The following CNTN5 variants were observed in gnomAD, a reference collection of about 807,000 sequenced individuals.
CNTN5 encodes the protein contactin-5.
CNTN5 carries 77 observed loss-of-function variants against 129.1 expected under a neutral mutation model. The ratio of observed to expected loss-of-function variants is 0.60; its 90% CI spans 0.50 to 0.72. CNTN5 has a LOEUF of 0.72. CNTN5 is among the 30% of genes least tolerant of loss of function. CNTN5 has a pLI of 0.00. For missense variants in CNTN5, 1,478 were observed against 1,328.8 expected (o/e 1.11, Z -1.75); for synonymous variants, 509 against 465.6 (o/e 1.09, Z -1.20).
chr11:100,182,971 A>G (rs73562432), intron 13 of CNTN5, among the ~76,000 whole-genome samples: 4,714 of 152,228 alleles, frequency 0.031, 242 homozygotes, highest in African/African-American at 0.11. Flanking sequence ...TATTTGAACA[A>G]TTAGCTCACC....
At chr11:100,083,881 A>C (rs1463378368) in intron 13 of CNTN5, among the ~76,000 whole-genome samples, 2 of 151,830 alleles carry the variant, frequency 1.3e-5, no homozygotes, top group African/African-American at 4.8e-5. Flanking sequence ...TTTCTTGACC[A>C]CTCCACCAGT....
At chr11:99,491,262 C>T (rs1300791669) in intron 2 of CNTN5, among the ~76,000 whole-genome samples, 11 of 152,136 alleles carry the variant, frequency 7.2e-5, no homozygotes, top group Admixed American at 7.2e-4. Flanking sequence ...AGAGTTGTGC[C>T]AGAGAATTCC....
intron 7 of CNTN5, among the ~76,000 whole-genome samples, chr11:99,920,454 C>A (rs1949909356): frequency 6.6e-6 from 1 of 152,174 alleles, no homozygotes; most frequent in Admixed American, 6.5e-5. Flanking sequence ...ATCCAACTGC[C>A]TATCAGTATT....
intron 2 of CNTN5, among the ~76,000 whole-genome samples, chr11:99,545,756 A>C (rs1275082544): frequency 1.3e-5 from 2 of 152,202 alleles, no homozygotes; most frequent in African/African-American, 4.8e-5. Flanking sequence ...TTACTTGTTC[A>C]TGCAGAACCC....
chr11:100,024,538 A>G (rs1941314233), intron 9 of CNTN5, among the ~76,000 whole-genome samples: 1 of 152,180 alleles, frequency 6.6e-6, no homozygotes, highest in African/African-American at 2.4e-5. Context: ...AGACAGGGAG[A>G]TGTGGGAAAG....
Position 99,479,353 on chromosome 11 carries a change from T to C in CNTN5, c.-70-76792T>C, listed in dbSNP as rs933913397. On this transcript the variant is annotated intron_variant, in intron 2 of 24. Coordinates refer to ENST00000524871, the MANE Select transcript of CNTN5 (RefSeq NM_014361.4). ...TTTACTGCTATCCATTTACTAGTTC[T>C]ATATGCAGCATAAAAGTCATTTAAT... is the stretch of plus-strand genomic sequence containing the variant. 9.0e-4 allele frequency among the ~76,000 whole-genome samples: 137 copies of C among 152,136 alleles called. 1 individual carries two copies. The highest frequency in any genetic ancestry group is 3.2e-3 in the African/African-American group (135 of 41,554).
At chr11:99,883,152 G>C (rs1948815503) in intron 6 of CNTN5, among the ~76,000 whole-genome samples, 2 of 152,068 alleles carry the variant, frequency 1.3e-5, no homozygotes, top group South Asian at 4.1e-4. Context: ...TCAAATCTTG[G>C]CTATTCCAAA....
intron 8 of CNTN5, among the ~76,000 whole-genome samples, chr11:99,988,851 TTGTGTGTGTGTGTG>T (rs59171240): frequency 2.0e-5 from 3 of 150,028 alleles, no homozygotes; most frequent in Non-Finnish European, 3.0e-5. Context: ...GTGTGTGTGT[TTGTGTGTGTGTGTG>T]TGTGTGTGTG....
At chr11:99,889,183 A>G (rs1948980417) in intron 6 of CNTN5, among the ~76,000 whole-genome samples, 1 of 152,126 alleles carries the variant, frequency 6.6e-6, no homozygotes, top group East Asian at 1.9e-4. Context: ...ACAAACATAC[A>G]TATATGGGCA....
At chr11:99,254,797 AT>A (rs1432064873) in intron 1 of CNTN5, among the ~76,000 whole-genome samples, 2 of 151,980 alleles carry the variant, frequency 1.3e-5, no homozygotes, top group African/African-American at 4.8e-5. Context: ...GACATCATAA[AT>A]TTTTCTCATG....
intron 6 of CNTN5, among the ~76,000 whole-genome samples, chr11:99,888,785 A>T (rs981368800): frequency 2.6e-5 from 4 of 152,214 alleles, no homozygotes; most frequent in Non-Finnish European, 5.9e-5. Context: ...CTGAGAGGTG[A>T]GGAATTACGG....
intron 1 of CNTN5, among the ~76,000 whole-genome samples, chr11:99,130,309 C>G (rs1165307035): frequency 6.6e-6 from 1 of 152,048 alleles, no homozygotes; most frequent in Non-Finnish European, 1.5e-5. Flanking sequence ...ACAGGAGTTG[C>G]AATCCTAGTT....
At chr11:99,960,275 G>T (rs1461388737) in intron 8 of CNTN5, among the ~76,000 whole-genome samples, 1 of 151,920 alleles carries the variant, frequency 6.6e-6, no homozygotes, top group Admixed American at 6.6e-5. Context: ...TTTAACTCGA[G>T]TCTAATTCAT....
intron 3 of CNTN5, among the ~76,000 whole-genome samples, chr11:99,721,756 G>C (rs930295501): frequency 6.6e-6 from 1 of 152,128 alleles, no homozygotes; most frequent in African/African-American, 2.4e-5. Context: ...CCAATATCCA[G>C]CATTGATAAG....
At position 100,285,568 on chromosome 11, in the gene CNTN5, C is replaced by T. The variant is rs961595829; in HGVS notation, c.2315-12057C>T. ...TTTGGTTCTTGTAGCACAGACAAGG[C>T]GAAAGGAGTAGAGGAAAAGAAGTGT... On this transcript the variant is annotated intron_variant, in intron 18 of 24. Coordinates refer to ENST00000524871, the MANE Select transcript of CNTN5 (RefSeq NM_014361.4). 2.0e-4 allele frequency among the ~76,000 whole-genome samples: 31 copies of T among 152,118 alleles called. No homozygotes were observed. In the East Asian group the frequency reaches 5.0e-3, roughly 25 times the overall value.
chr11:99,671,519 C>G (rs758660927), intron 3 of CNTN5, among the ~76,000 whole-genome samples: 2 of 151,928 alleles, frequency 1.3e-5, no homozygotes, highest in Admixed American at 6.6e-5. Flanking sequence ...TCAAAATTTC[C>G]AAGTTCACCT....
At chr11:100,226,171 C>G (rs1388150721) in intron 16 of CNTN5, among the ~76,000 whole-genome samples, 2 of 152,102 alleles carry the variant, frequency 1.3e-5, no homozygotes, top group Non-Finnish European at 2.9e-5. Context: ...AAAAATTTCT[C>G]TTTGTGCCTT....
chr11:99,226,894 T>G (rs1860715925), intron 1 of CNTN5, among the ~76,000 whole-genome samples: 1 of 152,214 alleles, frequency 6.6e-6, no homozygotes, highest in South Asian at 2.1e-4. Context: ...AGCTAGTAAC[T>G]TTCTTGATCA....
chr11:99,786,553 C>A (rs542779253), intron 3 of CNTN5, among the ~76,000 whole-genome samples: 12 of 152,200 alleles, frequency 7.9e-5, no homozygotes, highest in African/African-American at 2.9e-4. Flanking sequence ...CCAAGACAAT[C>A]CTAAGCAAAA....
Sources: gnomAD v4.1 joint callset for allele counts (sites outside exome capture counted in the v4.1 genomes callset) on GRCh38, gnomAD v4.1.1 for gene constraint, MANE v1.5 for transcripts, NCBI Gene and HGNC (gene_info 2026-07-23, HGNC 2026-07-21) for gene names.